The following PRKCA variants were observed in gnomAD, a reference collection of about 807,000 sequenced individuals.
PRKCA encodes protein kinase C alpha.
A neutral mutation model predicts 87.0 loss-of-function variants in PRKCA; 27 were observed. That is an observed-to-expected ratio of 0.31 (90% CI 0.23 to 0.43). PRKCA has a LOEUF of 0.43. PRKCA is among the 20% of genes least tolerant of loss of function. PRKCA has a pLI of 1.00. For missense variants in PRKCA, 518 were observed against 852.3 expected (o/e 0.61, Z 4.88); for synonymous variants, 329 against 311.1 (o/e 1.06, Z -0.61).
intron 2 of PRKCA, among the ~76,000 whole-genome samples, chr17:66,345,070 T>G (rs1907276298): frequency 6.6e-6 from 1 of 152,224 alleles, no homozygotes; most frequent in South Asian, 2.1e-4. Flanking sequence ...ATTTTTCTCA[T>G]TTGTCTCCTA....
At chr17:66,392,310 A>G (rs1163668893) in intron 2 of PRKCA, among the ~76,000 whole-genome samples, 1 of 152,208 alleles carries the variant, frequency 6.6e-6, no homozygotes, top group African/African-American at 2.4e-5. Flanking sequence ...CTTTCCAAAA[A>G]AAATGGAAAC....
chr17:66,432,827 C>G (rs1339664013), intron 2 of PRKCA, among the ~76,000 whole-genome samples: 1 of 152,138 alleles, frequency 6.6e-6, no homozygotes, highest in Non-Finnish European at 1.5e-5. Context: ...GCCCCAAAAC[C>G]CCCACCTTTG....
At chr17:66,524,980 C>A (rs2144235931) in intron 3 of PRKCA, among the ~76,000 whole-genome samples, 1 of 152,342 alleles carries the variant, frequency 6.6e-6, no homozygotes, top group Non-Finnish European at 1.5e-5. Context: ...TATAACGTGT[C>A]TTTGCCATGC....
chr17:66,655,008 C>T (rs1053496670), intron 5 of PRKCA, among the ~76,000 whole-genome samples: 19 of 152,320 alleles, frequency 1.2e-4, no homozygotes, highest in East Asian at 5.8e-4. Context: ...CCTGCTCTCA[C>T]GTTCTCACAG....
intron 2 of PRKCA, among the ~76,000 whole-genome samples, chr17:66,329,648 G>T (rs1045910318): frequency 7.2e-5 from 11 of 152,184 alleles, no homozygotes; most frequent in Non-Finnish European, 1.2e-4. Flanking sequence ...AGAGAAGAGA[G>T]AATTTTAAGC....
At chr17:66,725,605 G>A (rs1411358156) in intron 8 of PRKCA, among the ~76,000 whole-genome samples, 5 of 151,476 alleles carry the variant, frequency 3.3e-5, no homozygotes, top group South Asian at 2.1e-4. Context: ...GAGCTCAGGC[G>A]TTTGAGACCA....
intron 5 of PRKCA, among the ~76,000 whole-genome samples, chr17:66,668,598 G>A (rs1017162468): frequency 6.6e-6 from 1 of 152,142 alleles, no homozygotes; most frequent in Non-Finnish European, 1.5e-5. Context: ...AGCCAATGTG[G>A]CATACAAACA....
chr17:66,562,916 A>C lies in PRKCA; in HGVS notation c.288+66633A>C, dbSNP rs187606918. Among the ~76,000 whole-genome samples, 408 of 152,246 alleles carry C rather than the reference A, an allele frequency of 2.7e-3. 1 individual carries two copies. The highest frequency in any genetic ancestry group is 9.5e-3 in the African/African-American group (393 of 41,552). On this transcript the variant is annotated intron_variant, in intron 3 of 16. Coordinates refer to ENST00000413366, the MANE Select transcript of PRKCA (RefSeq NM_002737.3). ...TGGCCAGCTTGATAAATTTTTATGC[A>C]GAATGGTTTTATTTTATTATTATTT...
At chr17:66,655,953 G>A (rs997137190) in intron 5 of PRKCA, among the ~76,000 whole-genome samples, 6 of 152,158 alleles carry the variant, frequency 3.9e-5, no homozygotes, top group Admixed American at 1.3e-4. Context: ...TTCCGACTGT[G>A]GTACCTCGTC....
At chr17:66,646,408 C>T (rs1319991696) in intron 5 of PRKCA, among the ~76,000 whole-genome samples, 1 of 152,202 alleles carries the variant, frequency 6.6e-6, no homozygotes, top group Non-Finnish European at 1.5e-5. Flanking sequence ...CCATGACCCA[C>T]TCCATGTTGG....
At chr17:66,604,952 TTGTC>T (rs1567926374) in intron 3 of PRKCA, among the ~76,000 whole-genome samples, 1 of 152,028 alleles carries the variant, frequency 6.6e-6, no homozygotes. Flanking sequence ...AAGAGTGACT[TTGTC>T]TGTGTCAGCT....
At chr17:66,796,101 G>GA (rs1975659419) in intron 16 of PRKCA, among the ~76,000 whole-genome samples, 1 of 152,150 alleles carries the variant, frequency 6.6e-6, no homozygotes, top group South Asian at 2.1e-4. Context: ...CAATCCCTTA[G>GA]AAAAAATTAC....
At chr17:66,481,694 G>T (rs1915783423) in intron 2 of PRKCA, among the ~76,000 whole-genome samples, 1 of 152,114 alleles carries the variant, frequency 6.6e-6, no homozygotes, top group African/African-American at 2.4e-5. Flanking sequence ...ATACCTGAAG[G>T]GACTGGGCTT....
At chr17:66,368,480 T>A (rs896347598) in intron 2 of PRKCA, among the ~76,000 whole-genome samples, 4 of 137,726 alleles carry the variant, frequency 2.9e-5, no homozygotes, top group African/African-American at 1.1e-4. Flanking sequence ...AACCTCCATC[T>A]CCCAGGCTCA....
At chr17:66,591,686 G>A (rs912204269) in intron 3 of PRKCA, among the ~76,000 whole-genome samples, 6 of 152,184 alleles carry the variant, frequency 3.9e-5, no homozygotes, top group Admixed American at 6.5e-5. Context: ...GGAAGAAAAA[G>A]TTGGTTTGCT....
At chr17:66,767,388 T>C (rs1408094321) in intron 13 of PRKCA, among the ~76,000 whole-genome samples, 1 of 152,168 alleles carries the variant, frequency 6.6e-6, no homozygotes, top group Non-Finnish European at 1.5e-5. Context: ...ATAACAACTC[T>C]GCATCATCAG....
At chr17:66,701,693 G>A (rs1337451968) in intron 8 of PRKCA, among the ~76,000 whole-genome samples, 4 of 152,072 alleles carry the variant, frequency 2.6e-5, no homozygotes, top group African/African-American at 7.2e-5. Flanking sequence ...CATACAAATG[G>A]CCAACAGGTA....
intron 3 of PRKCA, among the ~76,000 whole-genome samples, chr17:66,615,304 T>C (rs905021659): frequency 3.3e-5 from 5 of 152,106 alleles, no homozygotes; most frequent in African/African-American, 1.2e-4. Flanking sequence ...CCAGCTCAAA[T>C]GAGGGTTCTC....
chr17:66,555,836 G>A (rs997534111), intron 3 of PRKCA, among the ~76,000 whole-genome samples: 5 of 152,058 alleles, frequency 3.3e-5, no homozygotes, highest in African/African-American at 1.2e-4. Flanking sequence ...TTCCCTTCCA[G>A]TTGCTATTTA....
Sources: gnomAD v4.1 joint callset for allele counts (sites outside exome capture counted in the v4.1 genomes callset) on GRCh38, gnomAD v4.1.1 for gene constraint, MANE v1.5 for transcripts, NCBI Gene and HGNC (gene_info 2026-07-23, HGNC 2026-07-21) for gene names.